Variants in DNAH8 observed in about 807,000 individuals in gnomAD.
DNAH8 encodes the protein axonemal beta dynein heavy chain 8.
Under a neutral mutation model 562.1 loss-of-function variants are expected in DNAH8, and 382 were observed. The ratio of observed to expected loss-of-function variants is 0.68; its 90% CI spans 0.63 to 0.74. The LOEUF is 0.74. Among genes scored for constraint, DNAH8 ranks in the 30% least tolerant of loss-of-function variants. The probability of loss-of-function intolerance (pLI) is 0.00; values close to 1 mark genes in which losing one functional copy is unlikely to be tolerated. For synonymous variants in DNAH8, 1,881 were observed against 1,919.4 expected (o/e 0.98, Z 0.52); for missense variants, 5,203 against 5,620.4 (o/e 0.93, Z 2.37).
intron 4 of DNAH8, among the ~76,000 whole-genome samples, chr6:38,733,271 G>T (rs77563970): frequency 0.25 from 38,419 of 151,754 alleles, 5,803 homozygotes; most frequent in Non-Finnish European, 0.35. Flanking sequence ...AATTAATATT[G>T]TGACCAACTA....
At chr6:38,794,209 C>T (rs577464973) in intron 21 of DNAH8, among the ~76,000 whole-genome samples, 77 of 152,302 alleles carry the variant, frequency 5.1e-4, no homozygotes, top group Non-Finnish European at 8.1e-4. Flanking sequence ...TCCACTCTTT[C>T]CCTGAGGGCC....
chr6:38,940,930 C>CTTAAA (rs1783402020), intron 79 of DNAH8, among the ~76,000 whole-genome samples: 1 of 55,230 alleles, frequency 1.8e-5, no homozygotes, highest in Non-Finnish European at 3.2e-5. Flanking sequence ...ATCCTGGTCA[C>CTTAAA]CGGTTTAGGT....
intron 75 of DNAH8, among the ~76,000 whole-genome samples, chr6:38,930,474 G>T (rs796135307): frequency 4.6e-5 from 7 of 152,158 alleles, no homozygotes; most frequent in African/African-American, 1.7e-4. Flanking sequence ...TCTTTTATAT[G>T]CCGCATTTTA....
intron 18 of DNAH8, 54 bp downstream of exon 18, chr6:38,787,006 A>T (rs1007258366): frequency 4.2e-6 from 5 of 1,181,678 alleles, no homozygotes; most frequent in South Asian, 1.6e-5. Flanking sequence ...TGGTAAAAAA[A>T]ATATGTATAT....
chr6:38,978,978 A>G (rs1230328102), intron 85 of DNAH8, among the ~76,000 whole-genome samples: 1 of 152,220 alleles, frequency 6.6e-6, no homozygotes, highest in African/African-American at 2.4e-5. Flanking sequence ...TTTAACATTC[A>G]AATTTGTCTG....
At chr6:39,012,819 T>G (rs1254619729) in intron 91 of DNAH8, among the ~76,000 whole-genome samples, 182 bp downstream of exon 91, 1 of 152,254 alleles carries the variant, frequency 6.6e-6, no homozygotes, top group Admixed American at 6.5e-5. Context: ...AAATTCAATC[T>G]GAAGCTCTTC....
intron 80 of DNAH8, among the ~76,000 whole-genome samples, chr6:38,948,037 C>G (rs1761575933): frequency 1.3e-5 from 2 of 151,926 alleles, no homozygotes; most frequent in Non-Finnish European, 2.9e-5. Context: ...CATGAGCCAC[C>G]ATGCCAGGCC....
In DNAH8 at chr6:38,770,551, C is replaced by T. The variant is rs1159123633; in HGVS notation, c.1756C>T (p.Leu586=). The T allele has an allele frequency of 1.3e-6, 2 of 1,598,544 alleles. No homozygotes were observed. Among genetic ancestry groups the T allele is most frequent in the African/African-American group, 2.7e-5 (2 of 73,950 alleles). Residue 586 remains leucine, a synonymous_variant, in exon 12 of 93, where the codon CTG becomes TTG. Transcript: ENST00000327475. Reference sequence around the variant, plus strand: ...AAAATTTGAAGCTTTTTGCAAAAGACTGGAGAAGGTAAGCATTATGCAGTC... The same window carrying T: ...AAAATTTGAAGCTTTTTGCAAAAGATTGGAGAAGGTAAGCATTATGCAGTC... ...FGKFEAFCKR[L]EKITEMITVV...
rs1167656701 is a variant in DNAH8 at position 38,949,332 on chromosome 6, G to A, written c.12130-120G>A. ...CCTGAAGAAAGGTTTAAACTGTGCT[G>A]TTATGCTTGAAAAATTATCTGCCTG... On this transcript the variant is annotated intron_variant, in intron 80 of 92. Transcript: ENST00000327475. The A allele has an allele frequency of 7.9e-5, 57 of 721,926 alleles. 1 individual carries two copies. In the South Asian group the frequency reaches 8.2e-4, roughly 10 times the overall value. 44.7% of individuals were successfully genotyped at this position (721,926 alleles called of 1,614,324 possible).
chr6:38,814,101 G>A lies in DNAH8; in HGVS notation c.3305G>A (p.Ser1102Asn). 2 of 1,582,044 alleles carry A rather than the reference G, an allele frequency of 1.3e-6. No homozygotes were observed. The highest frequency in any genetic ancestry group is 8.7e-7 in the Non-Finnish European group (1 of 1,152,706). ...QSEDIISFIKSEVHLAIPNVV... is the reference protein window; with the variant it reads ...QSEDIISFIKNEVHLAIPNVV... Reference sequence around the variant, plus strand: ...GAAGATATTATTTCCTTTATAAAAAGTGAAGTACATCTTGCAATTCCTAAT... The same window carrying A: ...GAAGATATTATTTCCTTTATAAAAAATGAAGTACATCTTGCAATTCCTAAT... Residue 1102 changes from serine to asparagine, a missense_variant, in exon 25 of 93, where the codon AGT becomes AAT. Transcript: ENST00000327475.
At chr6:38,984,414 C>A (rs2150718624) in intron 87 of DNAH8, 107 bp downstream of exon 87, 1 of 708,046 alleles carries the variant, frequency 1.4e-6, no homozygotes. Flanking sequence ...AGAGCTGCTG[C>A]AAAGAATTAG....
rs1777053835 is a variant in DNAH8, at chr6:38,866,684, A to C, written c.6585+7A>C. 1 of 1,609,886 alleles carries C rather than the reference A, an allele frequency of 6.2e-7. No individual in the cohort carries two copies. The highest frequency in any genetic ancestry group is 1.1e-5 in the South Asian group (1 of 90,410). On this transcript the variant is annotated splice_region_variant and intron_variant, in intron 46 of 92. Coordinates refer to ENST00000327475, the MANE Select transcript of DNAH8 (RefSeq NM_001206927.2). ...GATGGTTCCTGATAGACAGGTATGC[A>C]CTAGGATTTAAAAGCATAATGTGCT...
chr6:38,765,545 A>G (rs1766910745), intron 11 of DNAH8, among the ~76,000 whole-genome samples: 1 of 152,188 alleles, frequency 6.6e-6, no homozygotes, highest in Non-Finnish European at 1.5e-5. Flanking sequence ...CATTTATTGA[A>G]GAGACTGCCC....
At chr6:38,760,687 C>A (rs958247278) in intron 10 of DNAH8, among the ~76,000 whole-genome samples, 2 of 152,084 alleles carry the variant, frequency 1.3e-5, no homozygotes, top group Non-Finnish European at 2.9e-5. Context: ...GTGGATCCCT[C>A]ATGAATGGTT....
intron 91 of DNAH8, among the ~76,000 whole-genome samples, chr6:39,014,490 T>C (rs905627394): frequency 6.6e-6 from 1 of 152,196 alleles, no homozygotes; most frequent in Non-Finnish European, 1.5e-5. Context: ...GATTTGAGAC[T>C]TGGTTCCTGC....
intron 88 of DNAH8, among the ~76,000 whole-genome samples, chr6:38,990,496 C>G (rs1764707488): frequency 6.6e-6 from 1 of 152,180 alleles, no homozygotes; most frequent in Admixed American, 6.5e-5. Flanking sequence ...TCTGCCAGCT[C>G]CTCATCTCTT....
In DNAH8 at chr6:38,769,218, T is replaced by A. The variant is rs189518085; in HGVS notation, c.1618-1195T>A. Among the ~76,000 whole-genome samples, 147 of 152,322 alleles carry A rather than the reference T, an allele frequency of 9.7e-4. 1 individual carries two copies. Among genetic ancestry groups the A allele is most frequent in the African/African-American group, 3.0e-3 (124 of 41,570 alleles). On this transcript the variant is annotated intron_variant, in intron 11 of 92. Transcript: ENST00000327475. The stretch of plus-strand genomic sequence containing the variant: ...AACTGTTATTCAGAGCCAACTCATT[T>A]AAAAAAATTTTTTTATTATACTTTA...
At chr6:39,018,431 G>C (rs1326863862) in intron 91 of DNAH8, among the ~76,000 whole-genome samples, 1 of 152,068 alleles carries the variant, frequency 6.6e-6, no homozygotes, top group African/African-American at 2.4e-5. Flanking sequence ...CCCCTCCTCT[G>C]ATCTCTTCCT....
In DNAH8 at chr6:38,995,150, C is replaced by T. The variant is rs556378663; in HGVS notation, c.13214+4978C>T. 1.2e-3 allele frequency among the ~76,000 whole-genome samples: 174 copies of T among 151,110 alleles called. 1 individual carries two copies. The highest frequency in any genetic ancestry group is 4.1e-3 in the African/African-American group (167 of 41,052). On this transcript the variant is annotated intron_variant, in intron 88 of 92. Coordinates refer to ENST00000327475, the MANE Select transcript of DNAH8 (RefSeq NM_001206927.2). ...ATTGGTGTTGAATTTTGTTGAATAC[C>T]TTTCAACATTTATGGAAAGAATCAC...
Sources: allele counts gnomAD v4.1 joint callset (sites outside exome capture counted in the v4.1 genomes callset), GRCh38; gene constraint gnomAD v4.1.1; transcripts MANE v1.5; gene names NCBI Gene and HGNC (gene_info 2026-07-23, HGNC 2026-07-21).